ZFYVE26: variants seen among roughly 807,000 people sequenced by gnomAD.
ZFYVE26 encodes zinc finger FYVE-type containing 26.
ZFYVE26 carries 181 observed loss-of-function variants against 276.5 expected under a neutral mutation model. The ratio of observed to expected loss-of-function variants is 0.65; its 90% CI spans 0.58 to 0.74. The LOEUF is 0.74. Among genes scored for constraint, ZFYVE26 ranks in the 30% least tolerant of loss-of-function variants. The probability of loss-of-function intolerance (pLI) is 0.00; values close to 1 mark genes in which losing one functional copy is unlikely to be tolerated. For synonymous variants in ZFYVE26, 1,129 were observed against 1,203.1 expected (o/e 0.94, Z 1.27); for missense variants, 2,821 against 3,097.9 (o/e 0.91, Z 2.12).
downstream of ZFYVE26, among the ~76,000 whole-genome samples, chr14:67,744,329 T>C (rs2038454704): frequency 6.6e-6 from 1 of 152,240 alleles, no homozygotes; most frequent in South Asian, 2.1e-4. Context: ...CTACGTCTAC[T>C]ACCAGGTGGT....
chr14:67,759,426 C>T (rs575393225), intron 35 of ZFYVE26, among the ~76,000 whole-genome samples: 1 of 151,718 alleles, frequency 6.6e-6, no homozygotes, highest in South Asian at 2.1e-4. Flanking sequence ...GATATCGAGA[C>T]CATCGTGGCC....
chr14:67,797,498 A>G, intron 12 of ZFYVE26, 174 bp downstream of exon 12: 1 of 717,214 alleles, frequency 1.4e-6, no homozygotes, highest in East Asian at 2.7e-5. Context: ...TTGCATGGAA[A>G]ATTTCTGAAA....
Position 67,781,544 on chromosome 14 carries a change from A to G in ZFYVE26, c.4373-15T>C. On this transcript the variant is annotated splice_polypyrimidine_tract_variant and intron_variant, in intron 21 of 41. Transcript: ENST00000347230. ...ACCTTCTTTGTCTATAAGACAAAAA[A>G]GATGCTCAGAGGCAGCAAGCGTGGG... The G allele has an allele frequency of 2.5e-6, 4 of 1,613,566 alleles. No homozygotes were observed. Among genetic ancestry groups the G allele is most frequent in the Non-Finnish European group, 3.4e-6 (4 of 1,179,782 alleles).
rs1412721117 is a variant in ZFYVE26, at chr14:67,752,303, G to A, written c.7371+41C>T. The A allele has an allele frequency of 3.2e-6, 5 of 1,584,368 alleles. No homozygotes were observed. The African/African-American group carries it at 6.7e-5, about 21-fold the overall frequency. ...ATAAAGATGGGGATGTGAAGACACT[G>A]AAATTGATGGAGGAGCCAAGAGGTA... is the stretch of plus-strand genomic sequence containing the variant. On this transcript the variant is annotated intron_variant, in intron 40 of 41. Transcript: ENST00000347230.
intron 10 of ZFYVE26, among the ~76,000 whole-genome samples, chr14:67,801,114 G>C (rs1594933077): frequency 6.6e-6 from 1 of 152,146 alleles, no homozygotes; most frequent in Non-Finnish European, 1.5e-5. Flanking sequence ...AGCCAGGCTT[G>C]GTGGTGGGAG....
intron 23 of ZFYVE26, among the ~76,000 whole-genome samples, chr14:67,779,641 TGG>T (rs2039443220): frequency 6.6e-6 from 1 of 152,154 alleles, no homozygotes; most frequent in African/African-American, 2.4e-5. Context: ...GGAGTGTAAC[TGG>T]GGTGAGTGTT....
At position 67,762,321 on chromosome 14, in the gene ZFYVE26, T is replaced by C; in HGVS notation, c.6251A>G (p.Glu2084Gly). Residue 2084 changes from glutamate to glycine, a missense_variant, in exon 34 of 42, where the codon GAG (glutamate) becomes GGG (glycine). Transcript: ENST00000347230. ...GGGCTTCAGACAGCGACTGAACTTCTCCCGTGCAGCAGTGAGGTTCCCGGC... is the reference window on the plus strand; with the variant it reads ...GGGCTTCAGACAGCGACTGAACTTCCCCCGTGCAGCAGTGAGGTTCCCGGC... ...LKAGNLTAAR[E>G]KFSRCLKPPF... 1 of 1,614,158 alleles carries C rather than the reference T, an allele frequency of 6.2e-7. No individual in the cohort carries two copies. The highest frequency in any genetic ancestry group is 1.1e-5 in the South Asian group (1 of 91,082).
At position 67,798,634 on chromosome 14, in the gene ZFYVE26, T is replaced by A. The variant is rs773912596; in HGVS notation, c.1640-12A>T. Reference sequence around the variant, plus strand: ...GAGATTTGCAGCACCTACAAAAACATGTACAAGAGAAGAGGCCAGAGAAAG... The same window carrying A: ...GAGATTTGCAGCACCTACAAAAACAAGTACAAGAGAAGAGGCCAGAGAAAG... On this transcript the variant is annotated splice_polypyrimidine_tract_variant and intron_variant, in intron 10 of 41. Transcript: ENST00000347230. 2 of 1,613,556 alleles carry A rather than the reference T, an allele frequency of 1.2e-6. No homozygotes were observed. The highest frequency in any genetic ancestry group is 1.7e-6 in the Non-Finnish European group (2 of 1,179,998).
At position 67,802,132 on chromosome 14, in the gene ZFYVE26, G is replaced by T; in HGVS notation, c.1586C>A (p.Ser529Tyr). 6.2e-7 allele frequency: 1 copy of T among 1,613,998 alleles called. No homozygotes were observed. The change falls in exon 10 of 42, where the codon TCT becomes TAT. Residue 529 changes from serine to tyrosine, a missense_variant. Physicochemically the swap from Ser to Tyr is moderately radical, Grantham distance 144. Transcript: ENST00000347230. ...CTCTGTAGCTGAGGCCAGGTCCTCAGAGAGGCTGTCTTTGCAGTCCTGGCA... is the reference window on the plus strand; with the variant it reads ...CTCTGTAGCTGAGGCCAGGTCCTCATAGAGGCTGTCTTTGCAGTCCTGGCA... ...SQCQDCKDSL[S>Y]EDLASATEPA...
intron 32 of ZFYVE26, among the ~76,000 whole-genome samples, chr14:67,765,241 C>T (rs2039026717): frequency 6.6e-6 from 1 of 152,186 alleles, no homozygotes; most frequent in South Asian, 2.1e-4. Context: ...TCTCAACCTT[C>T]TAGTTTTTGT....
intron 41 of ZFYVE26, among the ~76,000 whole-genome samples, chr14:67,749,515 G>C (rs1011471217): frequency 6.6e-6 from 1 of 152,138 alleles, no homozygotes; most frequent in Non-Finnish European, 1.5e-5. Context: ...GGTGAGCAGA[G>C]AGGCCTTCAT....
At position 67,740,984 on chromosome 14, in the gene ZFYVE26, C is replaced by T. The variant is rs571153465; in HGVS notation, n.2679+10068G>A. Among the ~76,000 whole-genome samples the T allele has an allele frequency of 8.5e-5, 13 of 152,114 alleles. No homozygotes were observed. The South Asian group carries it at 2.7e-3, about 32-fold the overall frequency. On this transcript the variant is annotated intron_variant and non_coding_transcript_variant, in intron 13 of 14. Coordinates refer to the ZFYVE26 transcript ENST00000394455. ...TCCATAGACAAATGTTGCAAACACA[C>T]ATTGGAATATGAAGAAGGACAAGAA... is the stretch of plus-strand genomic sequence containing the variant.
chr14:67,811,072 T>A (rs2040291283), intron 3 of ZFYVE26, among the ~76,000 whole-genome samples: 2 of 152,200 alleles, frequency 1.3e-5, no homozygotes. Context: ...ATGTGAATGC[T>A]TGTATAATGC....
chr14:67,783,165 G>A lies in ZFYVE26; in HGVS notation c.3987C>T (p.Val1329=), dbSNP rs746375851. ...ACLGASPRLK[V]SKPSLSWKEL... ...CCTTCCATGACAAGCTGGGTTTGCTGACCTTTAACCTCGGGGAAGCCCCCA... is the reference window on the plus strand; with the variant it reads ...CCTTCCATGACAAGCTGGGTTTGCTAACCTTTAACCTCGGGGAAGCCCCCA... The change falls in exon 21 of 42, where the codon GTC becomes GTT. Residue 1329 remains valine, a synonymous_variant. Transcript: ENST00000347230. 1 of 1,608,320 alleles carries A rather than the reference G, an allele frequency of 6.2e-7. No homozygotes were observed. The highest frequency in any genetic ancestry group is 1.1e-5 in the South Asian group (1 of 90,608).
intron 41 of ZFYVE26, among the ~76,000 whole-genome samples, chr14:67,750,181 G>A (rs998256529): frequency 6.6e-6 from 1 of 152,164 alleles, no homozygotes; most frequent in African/African-American, 2.4e-5. Context: ...ATTTCAGGAT[G>A]TCAGAATTTC....
Position 67,805,551 on chromosome 14 carries a change from A to G in ZFYVE26, c.1085T>C (p.Phe362Ser). Residue 362 changes from phenylalanine (F) to serine (S), a missense_variant, in exon 7 of 42, where the codon TTC (phenylalanine) becomes TCC (serine). Physicochemically the swap from Phe to Ser is radical, Grantham distance 155. Transcript: ENST00000347230. ...PNLGCLLDREFRPLSCLLVLL... is the reference protein window; with the variant it reads ...PNLGCLLDRESRPLSCLLVLL... ...TACAAGCAGGCAACTGAGGGGCCTG[A>G]ATTCTCTATCAAGTAGGCAGCCAAG... The G allele has an allele frequency of 6.2e-7, 1 of 1,614,192 alleles. No individual in the cohort carries two copies. Among genetic ancestry groups the G allele is most frequent in the South Asian group, 1.1e-5 (1 of 91,092 alleles).
chr14:67,729,233 G>T, exon 14 of ZFYVE26: 2 of 1,611,106 alleles, frequency 1.2e-6, no homozygotes, highest in South Asian at 2.2e-5. Flanking sequence ...GGCGTCGTCC[G>T]CTCTGAGCTG....
At chr14:67,815,598 A>C (rs2040385394) in intron 2 of ZFYVE26, 172 bp downstream of exon 2, 1 of 688,832 alleles carries the variant, frequency 1.5e-6, no homozygotes, top group African/African-American at 1.8e-5. Flanking sequence ...GCCAATATTG[A>C]CTAAGTAATG....
At chr14:67,766,129 G>T in intron 32 of ZFYVE26, 98 bp downstream of exon 32, 1 of 1,157,800 alleles carries the variant, frequency 8.6e-7, no homozygotes, top group Non-Finnish European at 1.3e-6. Context: ...TGTCTTGTCA[G>T]AGAGGATGGT....
Sources: gnomAD v4.1 joint callset for allele counts (sites outside exome capture counted in the v4.1 genomes callset) on GRCh38, gnomAD v4.1.1 for gene constraint, MANE v1.5 for transcripts, NCBI Gene and HGNC (gene_info 2026-07-23, HGNC 2026-07-21) for gene names.